DSCAM: variants seen among roughly 807,000 people sequenced by gnomAD.
DSCAM encodes the protein DS cell adhesion molecule.
A neutral mutation model predicts 217.7 loss-of-function variants in DSCAM; 47 were observed. The ratio of observed to expected loss-of-function variants is 0.22; its 90% CI spans 0.17 to 0.28. The LOEUF is 0.28. DSCAM is among the 10% of genes least tolerant of loss of function. The pLI is 1.00. For synonymous variants in DSCAM, 1,056 were observed against 1,015.3 expected (o/e 1.04, Z -0.76); for missense variants, 2,080 against 2,618.3 (o/e 0.79, Z 4.49).
At chr21:40,760,231 TTG>T (rs1267641762) in intron 1 of DSCAM, among the ~76,000 whole-genome samples, 1 of 152,016 alleles carries the variant, frequency 6.6e-6, no homozygotes, top group Non-Finnish European at 1.5e-5. Context: ...TTGGCCAGGA[TTG>T]TCTCAATCTC....
chr21:40,346,042 G>A lies in DSCAM; in HGVS notation c.1210+1628C>T, dbSNP rs561413022. Reference sequence around the variant, plus strand: ...CCTGAACTCTTCTGACATCGTTATGGATCATCAATATGGTCTTTAGGTTTT... The same window carrying A: ...CCTGAACTCTTCTGACATCGTTATGAATCATCAATATGGTCTTTAGGTTTT... On this transcript the variant is annotated intron_variant, in intron 6 of 32. Transcript: ENST00000400454. Among the ~76,000 whole-genome samples, 5 of 152,302 alleles carry A rather than the reference G, an allele frequency of 3.3e-5. No individual in the cohort carries two copies. The South Asian group carries it at 1.0e-3, about 32-fold the overall frequency.
chr21:40,385,928 G>A (rs1400234121), intron 3 of DSCAM, among the ~76,000 whole-genome samples: 2 of 152,284 alleles, frequency 1.3e-5, no homozygotes, highest in East Asian at 3.9e-4. Flanking sequence ...AGGTATCTTT[G>A]GCCAATGGGA....
intron 11 of DSCAM, among the ~76,000 whole-genome samples, chr21:40,199,209 C>G (rs955691017): frequency 1.3e-5 from 2 of 152,142 alleles, no homozygotes; most frequent in Non-Finnish European, 2.9e-5. Context: ...CAATACATCA[C>G]GATTATCTTT....
At chr21:40,423,755 C>G (rs1448461242) in intron 3 of DSCAM, among the ~76,000 whole-genome samples, 2 of 152,138 alleles carry the variant, frequency 1.3e-5, no homozygotes, top group East Asian at 1.9e-4. Flanking sequence ...CTGCCGGTAA[C>G]TCAGATACCA....
At position 40,144,341 on chromosome 21, in the gene DSCAM, G is replaced by T. The variant is rs1024905267; in HGVS notation, c.3259+150C>A. On this transcript the variant is annotated intron_variant, in intron 17 of 32. Transcript: ENST00000400454. This position sits in a 1 kb window ranked among gnomAD's most constrained non-coding sequence, Gnocchi z 4.8. The stretch of plus-strand genomic sequence containing the variant: ...AGATCAGCGGGGTGGGCGAGGTCAC[G>T]AGGGAAGGCTTTTCCACCCGAGACC... 1.0e-5 allele frequency: 13 copies of T among 1,305,118 alleles called. No individual in the cohort carries two copies. The African/African-American group carries it at 1.6e-4, about 16-fold the overall frequency. The allele number at this position is 1,305,118 out of a possible 1,614,324, so 80.8% of individuals were successfully genotyped here. A position where few individuals can be genotyped will look rare whatever the true frequency, so the allele number is the denominator to read the frequency against.
chr21:40,481,429 G>T (rs1392604441), intron 3 of DSCAM, among the ~76,000 whole-genome samples: 1 of 149,280 alleles, frequency 6.7e-6, no homozygotes, highest in Non-Finnish European at 1.5e-5. Context: ...GGCAAAGCTT[G>T]CAGAGAATGG....
chr21:40,174,489 C>G (rs67142512), intron 15 of DSCAM, among the ~76,000 whole-genome samples: 49,569 of 151,228 alleles, frequency 0.33, 8,211 homozygotes, highest in Non-Finnish European at 0.34. Context: ...TCTGTAAAGA[C>G]TCAGATAGTA....
In DSCAM at chr21:40,163,984, C is replaced by T. The variant is rs556890265; in HGVS notation, c.3018+3234G>A. Among the ~76,000 whole-genome samples, 19 of 152,330 alleles carry T rather than the reference C, an allele frequency of 1.2e-4. No individual in the cohort carries two copies. The South Asian group carries it at 3.9e-3, about 32-fold the overall frequency. On this transcript the variant is annotated intron_variant, in intron 16 of 32. Coordinates refer to ENST00000400454, the MANE Select transcript of DSCAM (RefSeq NM_001389.5). ...TCTAGGCCTCTTCATTCCCAGCTCA[C>T]ATATACACTCACCTCTCCTTCACTT... is the stretch of plus-strand genomic sequence containing the variant.
Position 40,173,863 on chromosome 21 carries a change from C to G in DSCAM, c.2947+5064G>C, listed in dbSNP as rs147567432. ...TCCACACCTTCTATTCTCTGATGGT[C>G]TGTCAAATTCAGTGGTGTTTCAATG... On this transcript the variant is annotated intron_variant, in intron 15 of 32. Coordinates refer to ENST00000400454, the MANE Select transcript of DSCAM (RefSeq NM_001389.5). 6.6e-3 allele frequency among the ~76,000 whole-genome samples: 1,007 copies of G among 152,310 alleles called. 4 individuals carry two copies. The highest frequency in any genetic ancestry group is 0.011 in the Non-Finnish European group (745 of 68,034).
At position 40,211,041 on chromosome 21, in the gene DSCAM, T is replaced by C. The variant is rs182810542; in HGVS notation, c.2357-21803A>G. On this transcript the variant is annotated intron_variant, in intron 11 of 32. Transcript: ENST00000400454. ...TTGCACCTGGCCCCATCCTACCCAT[T>C]GTACCTGTCTACTAGTATCCACTAA... 1.1e-3 allele frequency among the ~76,000 whole-genome samples: 173 copies of C among 152,368 alleles called. 1 individual carries two copies. In the East Asian group the frequency reaches 0.019, roughly 17 times the overall value.
chr21:40,692,764 C>G (rs771006987), intron 3 of DSCAM, 46 bp downstream of exon 3: 8 of 1,567,566 alleles, frequency 5.1e-6, no homozygotes, highest in South Asian at 4.6e-5. Context: ...ATAACCTTTT[C>G]AGAAGGTGAG....
chr21:40,435,503 T>C (rs2075574788), intron 3 of DSCAM, among the ~76,000 whole-genome samples: 1 of 151,164 alleles, frequency 6.6e-6, no homozygotes, highest in Non-Finnish European at 1.5e-5. Context: ...AAAATGAAAG[T>C]TTAAAAATTA....
chr21:40,450,185 C>T (rs1366704045), intron 3 of DSCAM, among the ~76,000 whole-genome samples: 1 of 152,156 alleles, frequency 6.6e-6, no homozygotes, highest in African/African-American at 2.4e-5. Flanking sequence ...ACAATAGCAC[C>T]TTTATAAACC....
chr21:40,123,189 T>C (rs1156687485), intron 20 of DSCAM, among the ~76,000 whole-genome samples: 1 of 152,138 alleles, frequency 6.6e-6, no homozygotes, highest in African/African-American at 2.4e-5. Flanking sequence ...GTTTCGGTTT[T>C]GTAGAGTTCT....
intron 8 of DSCAM, among the ~76,000 whole-genome samples, chr21:40,334,906 C>T (rs901462012): frequency 7.9e-5 from 12 of 152,020 alleles, no homozygotes; most frequent in African/African-American, 2.7e-4. Context: ...GAAAACCCCA[C>T]GTCCTGAAAA....
intron 1 of DSCAM, among the ~76,000 whole-genome samples, chr21:40,748,633 T>A (rs2091197929): frequency 6.6e-6 from 1 of 152,024 alleles, no homozygotes; most frequent in African/African-American, 2.4e-5. Flanking sequence ...ACTGAAATAA[T>A]GTTTAAAAAT....
rs546979815 is a variant in DSCAM at position 40,110,424 on chromosome 21, A to G, written c.3696+13771T>C. 7.2e-5 allele frequency among the ~76,000 whole-genome samples: 11 copies of G among 152,346 alleles called. No homozygotes were observed. In the South Asian group the frequency reaches 1.9e-3, roughly 26 times the overall value. The stretch of plus-strand genomic sequence containing the variant: ...ACCAAAACCCCATCTGTACGTCACC[A>G]TCATCAAAGACCAAAGGTAGATAAA... On this transcript the variant is annotated intron_variant, in intron 20 of 32. Coordinates refer to ENST00000400454, the MANE Select transcript of DSCAM (RefSeq NM_001389.5).
intron 3 of DSCAM, among the ~76,000 whole-genome samples, chr21:40,464,923 T>G (rs549192814): frequency 6.6e-6 from 1 of 152,036 alleles, no homozygotes; most frequent in South Asian, 2.1e-4. Flanking sequence ...GTATTTTTAG[T>G]AGAGATGAGG....
In DSCAM at chr21:40,201,125, C is replaced by T. The variant is rs993451642; in HGVS notation, c.2357-11887G>A. On this transcript the variant is annotated intron_variant, in intron 11 of 32. Coordinates refer to ENST00000400454, the MANE Select transcript of DSCAM (RefSeq NM_001389.5). ...AAGCTGGAGTGGGTCATATTTGATG[C>T]TAAGCTTGAACAAGAATGACAACAT... 3.9e-5 allele frequency among the ~76,000 whole-genome samples: 6 copies of T among 152,250 alleles called. No homozygotes were observed. The East Asian group carries it at 1.2e-3, about 29-fold the overall frequency.
Sources: gnomAD v4.1 joint callset for allele counts (sites outside exome capture counted in the v4.1 genomes callset) on GRCh38, gnomAD v4.1.1 for gene constraint, Gnocchi (gnomAD v3.1) non-coding constraint, MANE v1.5 for transcripts, NCBI Gene and HGNC (gene_info 2026-07-23, HGNC 2026-07-21) for gene names.